THEMIS: variants seen among roughly 807,000 people sequenced by gnomAD.
THEMIS encodes protein THEMIS.
THEMIS carries 37 observed loss-of-function variants against 52.6 expected under a neutral mutation model. The ratio of observed to expected loss-of-function variants is 0.70; its 90% CI spans 0.54 to 0.93. THEMIS has a LOEUF of 0.93. Ranked by LOEUF, THEMIS falls within the 40% of genes least tolerant of loss-of-function variation. The pLI is 0.00. For synonymous variants in THEMIS, 292 were observed against 272.7 expected (o/e 1.07, Z -0.70); for missense variants, 808 against 763.1 (o/e 1.06, Z -0.69).
chr6:127,773,686 A>G (rs1776461523), intron 4 of THEMIS, among the ~76,000 whole-genome samples: 2 of 152,158 alleles, frequency 1.3e-5, no homozygotes, highest in Admixed American at 6.5e-5. Flanking sequence ...AAGCCAAAAA[A>G]CCTAAAGTAT....
Position 127,794,843 on chromosome 6 carries a change from CA to C in THEMIS, c.1758+18039del, listed in dbSNP as rs531614504. On this transcript the variant is annotated intron_variant, in intron 4 of 5. Coordinates refer to ENST00000368248, the MANE Select transcript of THEMIS (RefSeq NM_001010923.3). ...CTTAATGCTCTAACATTTACCTGAT[CA>C]TTTAGCTGTATCATTTACTTCCAAG... Among the ~76,000 whole-genome samples, 250 of 152,210 alleles carry C rather than the reference CA, an allele frequency of 1.6e-3. 1 individual carries two copies. Among genetic ancestry groups the C allele is most frequent in the Non-Finnish European group, 2.8e-3 (189 of 68,012 alleles).
intron 3 of THEMIS, among the ~76,000 whole-genome samples, chr6:127,825,386 A>G (rs747983775): frequency 9.2e-5 from 14 of 152,370 alleles, no homozygotes; most frequent in South Asian, 6.2e-4. Flanking sequence ...CCAAGACGAT[A>G]CAGGATGGTG....
chr6:127,891,538 C>CAAAAAAAAAAAAAAAAAA (rs67886431), intron 1 of THEMIS, among the ~76,000 whole-genome samples: 8 of 96,834 alleles, frequency 8.3e-5, no homozygotes, highest in African/African-American at 1.2e-4. Flanking sequence ...TCCAGCTCAA[C>CAAAAAAAAAAAAAAAAAA]AAAAAAAAAA....
intron 1 of THEMIS, among the ~76,000 whole-genome samples, chr6:127,884,124 AC>A (rs1780573297): frequency 6.6e-6 from 1 of 151,714 alleles, no homozygotes; most frequent in Non-Finnish European, 1.5e-5. Flanking sequence ...TCAACAAACT[AC>A]CCTACACTCT....
chr6:127,911,325 A>G (rs1207041550), intron 1 of THEMIS, among the ~76,000 whole-genome samples: 1 of 150,962 alleles, frequency 6.6e-6, no homozygotes, highest in African/African-American at 2.5e-5. Context: ...AGAATTTTAA[A>G]GGAGATATTT....
At chr6:127,735,235 C>T (rs35158225) in intron 4 of THEMIS, among the ~76,000 whole-genome samples, 44,845 of 151,552 alleles carry the variant, frequency 0.3, 8,464 homozygotes, top group Non-Finnish European at 0.43. Flanking sequence ...CAAATGAATG[C>T]GGGGCGTCTA....
chr6:127,913,510 T>C (rs957143431), intron 1 of THEMIS, among the ~76,000 whole-genome samples: 2 of 152,232 alleles, frequency 1.3e-5, no homozygotes, highest in Non-Finnish European at 2.9e-5. Flanking sequence ...ATATTTGTTG[T>C]ATTTAATTGA....
At chr6:127,849,970 A>G (rs1006397340) in intron 2 of THEMIS, among the ~76,000 whole-genome samples, 1 of 152,164 alleles carries the variant, frequency 6.6e-6, no homozygotes, top group Non-Finnish European at 1.5e-5. Context: ...GTGGGAGAAA[A>G]TATTTGCAAA....
intron 3 of THEMIS, among the ~76,000 whole-genome samples, chr6:127,817,017 C>A (rs1335126629): frequency 6.6e-6 from 1 of 152,156 alleles, no homozygotes; most frequent in Non-Finnish European, 1.5e-5. Context: ...TTTAAAATTG[C>A]AATCTTCTCT....
At chr6:127,820,880 G>T (rs572496011) in intron 3 of THEMIS, among the ~76,000 whole-genome samples, 1 of 151,866 alleles carries the variant, frequency 6.6e-6, no homozygotes, top group East Asian at 1.9e-4. Flanking sequence ...TTTGCTTAAG[G>T]TTACCTAGAA....
At chr6:127,784,029 A>T (rs987063960) in intron 4 of THEMIS, among the ~76,000 whole-genome samples, 2 of 152,236 alleles carry the variant, frequency 1.3e-5, no homozygotes, top group Non-Finnish European at 2.9e-5. Flanking sequence ...AATGTGGCAC[A>T]TATACACCAT....
At chr6:127,871,695 T>G (rs1440286700) in intron 1 of THEMIS, among the ~76,000 whole-genome samples, 1 of 152,066 alleles carries the variant, frequency 6.6e-6, no homozygotes, top group Non-Finnish European at 1.5e-5. Context: ...TTAGTTGAAA[T>G]AAACCAGTTC....
intron 1 of THEMIS, chr6:127,909,794 G>C (rs1781365656): frequency 6.6e-6 from 1 of 152,100 alleles, no homozygotes; most frequent in South Asian, 2.1e-4. Context: ...AGGTTGGTCA[G>C]GATTCTTATT....
intron 4 of THEMIS, among the ~76,000 whole-genome samples, chr6:127,768,927 A>G (rs1776286198): frequency 1.3e-5 from 2 of 152,196 alleles, no homozygotes; most frequent in East Asian, 1.9e-4. Context: ...CTGAAGATCA[A>G]CACTGATGAT....
chr6:127,698,046 T>G, the THEMIS span, among the ~76,000 whole-genome samples: 2 of 152,156 alleles, frequency 1.3e-5, no homozygotes, highest in Admixed American at 1.3e-4. Flanking sequence ...ATTAATGATT[T>G]TGCTTTCATA....
rs150983328 is a variant in THEMIS at position 127,739,142 on chromosome 6, A to T, written c.1759-19319T>A. The stretch of plus-strand genomic sequence containing the variant: ...TGATGGCATTCACAGTCCACCCACC[A>T]CTCCATGACAAACACCCCTTCTCAA... On this transcript the variant is annotated intron_variant, in intron 4 of 5. Transcript: ENST00000368248. Among the ~76,000 whole-genome samples, 33 of 151,984 alleles carry T rather than the reference A, an allele frequency of 2.2e-4. No homozygotes were observed. In the East Asian group the frequency reaches 6.2e-3, roughly 29 times the overall value.
chr6:127,706,819 A>C (rs1672362892), downstream of THEMIS, among the ~76,000 whole-genome samples: 1 of 152,070 alleles, frequency 6.6e-6, no homozygotes, highest in African/African-American at 2.4e-5. Flanking sequence ...GAGAGCAAAA[A>C]GTGTTCCAGG....
At chr6:127,734,700 C>A (rs1774927571) in intron 4 of THEMIS, among the ~76,000 whole-genome samples, 1 of 151,388 alleles carries the variant, frequency 6.6e-6, no homozygotes, top group Non-Finnish European at 1.5e-5. Context: ...GAAACCCCCT[C>A]TCTACTAAAA....
chr6:127,900,986 T>G lies in THEMIS; in HGVS notation c.-54A>C. The stretch of plus-strand genomic sequence containing the variant: ...GGTGCTCACAGAAACTTGTGGCTTC[T>G]GGGTGACACTTGTCTGCAATTGCAG... On this transcript the variant is annotated 5_prime_UTR_variant, in exon 1 of 6. Coordinates refer to ENST00000368248, the MANE Select transcript of THEMIS (RefSeq NM_001010923.3). 1.4e-6 allele frequency: 2 copies of G among 1,414,390 alleles called. No individual in the cohort carries two copies. Among genetic ancestry groups the G allele is most frequent in the South Asian group, 2.3e-5 (2 of 86,812 alleles). The allele number at this position is 1,414,390 out of a possible 1,614,324, so 87.6% of individuals were successfully genotyped here.
Sources: allele counts gnomAD v4.1 joint callset (sites outside exome capture counted in the v4.1 genomes callset), GRCh38; gene constraint gnomAD v4.1.1; transcripts MANE v1.5; gene names NCBI Gene and HGNC (gene_info 2026-07-23, HGNC 2026-07-21).